Variants in ADAM22 observed in about 807,000 individuals in gnomAD.
The protein encoded by ADAM22 is disintegrin and metalloproteinase domain-containing protein 22.
Under a neutral mutation model 144.6 loss-of-function variants are expected in ADAM22, and 65 were observed. The ratio of observed to expected loss-of-function variants is 0.45; its 90% confidence interval spans 0.37 to 0.55. The LOEUF is 0.55. Among genes scored for constraint, ADAM22 ranks in the 20% least tolerant of loss-of-function variants. ADAM22 has a pLI of 0.00. For missense variants in ADAM22, 974 were observed against 1,184.9 expected, an observed-to-expected ratio of 0.82 and a Z score of 2.61; for synonymous variants, 391 against 412.6, an observed-to-expected ratio of 0.95 and a Z score of 0.63.
At chr7:88,144,337 A>G (rs1326326128) in intron 15 of ADAM22, among the ~76,000 whole-genome samples, 1 of 152,160 alleles carries the variant, frequency 6.6e-6, no homozygotes, top group Non-Finnish European at 1.5e-5. Context: ...GCCTGTCACC[A>G]TAGGATACAT....
At chr7:88,184,330 C>A in intron 29 of ADAM22, 1 of 439,530 alleles carries the variant, frequency 2.3e-6, no homozygotes, top group Non-Finnish European at 4.6e-6. Context: ...CACTCCCTCG[C>A]CCAGACAGTC....
At chr7:88,080,456 C>T (rs1177131160) in intron 4 of ADAM22, among the ~76,000 whole-genome samples, 2 of 152,122 alleles carry the variant, frequency 1.3e-5, no homozygotes, top group African/African-American at 4.8e-5. Context: ...CAAGAGTAAA[C>T]ACATTCAAAA....
chr7:88,039,209 CAA>C, intron 3 of ADAM22, among the ~76,000 whole-genome samples: 1 of 151,500 alleles, frequency 6.6e-6, no homozygotes, highest in East Asian at 1.9e-4. Flanking sequence ...CTTTGGAGGC[CAA>C]GGGAGGCGGA....
At chr7:88,178,881 T>A in intron 26 of ADAM22, 54 bp from the exon 27 acceptor site, 1 of 1,111,972 alleles carries the variant, frequency 9.0e-7, no homozygotes, top group Admixed American at 2.3e-5. Flanking sequence ...TGTATATGTC[T>A]GTGTTCATGT....
At chr7:88,060,509 G>A (rs141932295) in intron 3 of ADAM22, among the ~76,000 whole-genome samples, 35 of 152,266 alleles carry the variant, frequency 2.3e-4, no homozygotes, top group Non-Finnish European at 3.5e-4. Flanking sequence ...AGTGGCTCAC[G>A]CCTGTAATCC....
At chr7:88,185,599 T>G (rs886466614) in intron 29 of ADAM22, among the ~76,000 whole-genome samples, 4 of 152,192 alleles carry the variant, frequency 2.6e-5, no homozygotes, top group Admixed American at 2.6e-4. Context: ...TTCCAAATTC[T>G]TCCAGTATGG....
intron 2 of ADAM22, among the ~76,000 whole-genome samples, chr7:87,953,741 G>A (rs1186024192): frequency 6.6e-6 from 1 of 152,096 alleles, no homozygotes; most frequent in African/African-American, 2.4e-5. Context: ...TGATAGTGGG[G>A]TGTTAAAGTC....
At chr7:88,138,583 A>G (rs1166836214) in intron 14 of ADAM22, among the ~76,000 whole-genome samples, 1 of 152,206 alleles carries the variant, frequency 6.6e-6, no homozygotes, top group Non-Finnish European at 1.5e-5. Context: ...CTGTACAGCT[A>G]AATATTAGAA....
chr7:88,194,527 C>T (rs1379023804), intron 31 of ADAM22, among the ~76,000 whole-genome samples: 1 of 152,166 alleles, frequency 6.6e-6, no homozygotes, highest in Non-Finnish European at 1.5e-5. Context: ...CTATCAGCAG[C>T]CCCTCTGTTA....
At position 88,198,446 on chromosome 7, in the gene ADAM22, G is replaced by T. The variant is rs1850904208; in HGVS notation, c.*1955G>T. On this transcript the variant is annotated 3_prime_UTR_variant, in exon 32 of 32. Coordinates refer to ENST00000413139, the MANE Select transcript of ADAM22 (RefSeq NM_001324418.2). ...CCATCAGGCCAAGGTTTGGGTGAGT[G>T]TTGGGCAGTGTTGCCACATAGCTCA... 1 of 152,222 alleles carries T rather than the reference G, an allele frequency of 6.6e-6. No homozygotes were observed. The highest frequency in any genetic ancestry group is 1.5e-5 in the Non-Finnish European group (1 of 68,042). 9.4% of individuals were successfully genotyped at this position (152,222 alleles called of 1,614,324 possible). A position where few individuals can be genotyped will look rare whatever the true frequency, so the allele number is the denominator to read the frequency against.
chr7:88,082,986 G>T (rs1817268313), intron 4 of ADAM22, among the ~76,000 whole-genome samples: 1 of 152,136 alleles, frequency 6.6e-6, no homozygotes, highest in South Asian at 2.1e-4. Context: ...TCCCATTAGT[G>T]GGTATATACC....
At chr7:88,011,755 C>G (rs1795485408) in intron 3 of ADAM22, among the ~76,000 whole-genome samples, 1 of 147,864 alleles carries the variant, frequency 6.8e-6, no homozygotes, top group Non-Finnish European at 1.5e-5. Context: ...CCCAACCTTT[C>G]TCTCTAGCTT....
At chr7:87,947,630 C>T (rs1844021697) in intron 2 of ADAM22, among the ~76,000 whole-genome samples, 1 of 151,936 alleles carries the variant, frequency 6.6e-6, no homozygotes, top group Non-Finnish European at 1.5e-5. Context: ...TCTTAATAAT[C>T]TTGAATAGAC....
intron 4 of ADAM22, among the ~76,000 whole-genome samples, chr7:88,080,524 C>A (rs969172925): frequency 1.3e-5 from 2 of 151,816 alleles, no homozygotes; most frequent in Admixed American, 1.3e-4. Context: ...AATAGAGACA[C>A]AAAAAGCCCT....
At chr7:88,097,151 C>CTTTTTTTTTT (rs1169759079) in intron 4 of ADAM22, among the ~76,000 whole-genome samples, 3 of 129,220 alleles carry the variant, frequency 2.3e-5, no homozygotes, top group African/African-American at 8.6e-5. Flanking sequence ...TTTTTCTTTT[C>CTTTTTTTTTT]TTTTTTTTTT....
chr7:87,973,927 G>A (rs900598777), intron 2 of ADAM22, among the ~76,000 whole-genome samples: 1 of 151,928 alleles, frequency 6.6e-6, no homozygotes, highest in East Asian at 1.9e-4. Context: ...ATCACACACC[G>A]GGGACTGTTG....
chr7:87,992,516 AATAG>A (rs1294442798), intron 3 of ADAM22, among the ~76,000 whole-genome samples: 2 of 152,254 alleles, frequency 1.3e-5, no homozygotes, highest in Non-Finnish European at 2.9e-5. Context: ...TAATCATGAA[AATAG>A]ATACTTGATA....
At chr7:88,109,401 C>G (rs1037688035) in intron 5 of ADAM22, among the ~76,000 whole-genome samples, 5 of 152,264 alleles carry the variant, frequency 3.3e-5, no homozygotes, top group Admixed American at 2.6e-4. Flanking sequence ...ATAAAGCTAC[C>G]GTGTCATTCC....
At chr7:88,010,340 A>G (rs955702686) in intron 3 of ADAM22, among the ~76,000 whole-genome samples, 6 of 152,170 alleles carry the variant, frequency 3.9e-5, no homozygotes, top group Non-Finnish European at 8.8e-5. Flanking sequence ...CCCGCTTTTA[A>G]CTAGTTATGG....
Sources: gnomAD v4.1 joint callset for allele counts (sites outside exome capture counted in the v4.1 genomes callset) on GRCh38, gnomAD v4.1.1 for gene constraint, MANE v1.5 for transcripts, NCBI Gene and HGNC (gene_info 2026-07-23, HGNC 2026-07-21) for gene names.